LRP12: variants seen among roughly 807,000 people sequenced by gnomAD.
The protein encoded by LRP12 is low-density lipoprotein receptor-related protein 12.
A neutral mutation model predicts 66.0 loss-of-function variants in LRP12; 14 were observed. That is an observed-to-expected ratio of 0.21 (90% CI 0.14 to 0.33). LRP12 has a LOEUF of 0.33. LRP12 is among the 10% of genes least tolerant of loss of function. The pLI is 1.00. For missense variants in LRP12, 889 were observed against 1,053.4 expected (o/e 0.84, Z 2.16); for synonymous variants, 357 against 359.1 (o/e 0.99, Z 0.07).
rs11350393 is a variant in LRP12 at position 104,511,030 on chromosome 8, C to CTTT, written c.137-1959_137-1957dup. On this transcript the variant is annotated intron_variant, in intron 2 of 6. Coordinates refer to ENST00000276654, the MANE Select transcript of LRP12 (RefSeq NM_013437.5). ...TTACAATTGTAATTTGGAAAAATGA[C>CTTT]TTTTTTTTTTTTTTTTTTTTTTTTT... is the stretch of plus-strand genomic sequence containing the variant. 1.9e-3 allele frequency among the ~76,000 whole-genome samples: 103 copies of CTTT among 54,364 alleles called. 8 individuals carry two copies. Among genetic ancestry groups the CTTT allele is most frequent in the African/African-American group, 6.9e-3 (95 of 13,808 alleles). The allele number at this position is 54,364 out of a possible 152,430, so 35.7% of individuals were successfully genotyped here. A position where few individuals can be genotyped will look rare whatever the true frequency, so the allele number is the denominator to read the frequency against.
intron 3 of LRP12, among the ~76,000 whole-genome samples, chr8:104,502,016 ATTC>A (rs1810835246): frequency 6.6e-6 from 1 of 152,162 alleles, no homozygotes; most frequent in Non-Finnish European, 1.5e-5. Flanking sequence ...AGAAAATGAG[ATTC>A]TTCTTTCTTA....
chr8:104,586,191 A>C (rs1158978010), intron 1 of LRP12, among the ~76,000 whole-genome samples: 2 of 152,214 alleles, frequency 1.3e-5, no homozygotes, highest in Non-Finnish European at 2.9e-5. Flanking sequence ...TACAATTTAG[A>C]GTTTCAGGTA....
At chr8:104,557,100 A>G (rs1183876759) in intron 1 of LRP12, among the ~76,000 whole-genome samples, 3 of 152,228 alleles carry the variant, frequency 2.0e-5, no homozygotes, top group Non-Finnish European at 4.4e-5. Flanking sequence ...TCAACATAGA[A>G]GGTACATACA....
intron 1 of LRP12, among the ~76,000 whole-genome samples, chr8:104,571,665 G>A (rs1812082273): frequency 6.6e-6 from 1 of 152,116 alleles, no homozygotes; most frequent in South Asian, 2.1e-4. Flanking sequence ...CTTTATAAAT[G>A]ACCTGGTCTC....
At chr8:104,511,511 T>A (rs1421845966) in intron 2 of LRP12, among the ~76,000 whole-genome samples, 1 of 152,142 alleles carries the variant, frequency 6.6e-6, no homozygotes, top group East Asian at 1.9e-4. Context: ...CCACCATGCA[T>A]GGCAACTTTT....
intron 3 of LRP12, among the ~76,000 whole-genome samples, chr8:104,500,765 T>C (rs1810817336): frequency 6.6e-6 from 1 of 152,150 alleles, no homozygotes; most frequent in South Asian, 2.1e-4. Flanking sequence ...CGTATCTCTC[T>C]TACAAGAACA....
rs1423603967 is a variant in LRP12, at chr8:104,543,981, T to A, written c.80-12018A>T. Among the ~76,000 whole-genome samples the A allele has an allele frequency of 2.0e-5, 3 of 152,214 alleles. No individual in the cohort carries two copies. In the East Asian group the frequency reaches 5.8e-4, roughly 29 times the overall value. ...ATTAGTAAGGAAGGCCTTTATTAATTAAGGAAGGTCTAGCTGAAAGCTAAA... is the reference window on the plus strand; with the variant it reads ...ATTAGTAAGGAAGGCCTTTATTAATAAAGGAAGGTCTAGCTGAAAGCTAAA... On this transcript the variant is annotated intron_variant, in intron 1 of 6. Transcript: ENST00000276654.
intron 3 of LRP12, chr8:104,504,758 G>C (rs1810880757): frequency 6.6e-6 from 1 of 152,110 alleles, no homozygotes; most frequent in South Asian, 2.1e-4. Context: ...GTTGAAATAA[G>C]TATTAAAGGT....
At chr8:104,534,922 TATATGA>T (rs1401680495) in intron 1 of LRP12, among the ~76,000 whole-genome samples, 3 of 151,768 alleles carry the variant, frequency 2.0e-5, no homozygotes, top group African/African-American at 7.2e-5. Flanking sequence ...AAATTTCATA[TATATGA>T]ATATGAACAC....
chr8:104,543,808 G>C (rs1811513636), intron 1 of LRP12, among the ~76,000 whole-genome samples: 2 of 152,118 alleles, frequency 1.3e-5, no homozygotes, highest in African/African-American at 4.8e-5. Flanking sequence ...TGTAATCTCA[G>C]CTACTTGGGA....
At chr8:104,512,403 C>CA (rs1304324771) in intron 2 of LRP12, among the ~76,000 whole-genome samples, 1 of 152,068 alleles carries the variant, frequency 6.6e-6, no homozygotes, top group Non-Finnish European at 1.5e-5. Flanking sequence ...AATAAACAGC[C>CA]AAAAACAATC....
Position 104,490,839 on chromosome 8 carries a change from C to G in LRP12, c.2414G>C (p.Gly805Ala), listed in dbSNP as rs747111953. The change falls in exon 7 of 7, where the codon GGG becomes GCG. Residue 805 changes from glycine (G) to alanine (A), a missense_variant. Gly to Ala is a moderately conservative substitution (Grantham distance 60). Around this residue, in one of 3 missense-constraint regions of LRP12, gnomAD observed 800 missense variants for 964.5 expected, o/e 0.83. Transcript: ENST00000276654. Reference sequence around the variant, plus strand: ...TGTTGCATTATATGGTTGTCTAAGCCCTTGTCCTTGATCTGAGGCAAGATC... The same window carrying G: ...TGTTGCATTATATGGTTGTCTAAGCGCTTGTCCTTGATCTGAGGCAAGATC... Reference protein sequence around the residue: ...LLDLASDQGQGLRQPYNATNP... With the variant: ...LLDLASDQGQALRQPYNATNP... 1.2e-5 allele frequency: 19 copies of G among 1,613,926 alleles called. No homozygotes were observed. The South Asian group carries it at 1.4e-4, about 12-fold the overall frequency.
intron 1 of LRP12, among the ~76,000 whole-genome samples, chr8:104,573,856 A>G (rs1347452326): frequency 1.3e-5 from 2 of 152,032 alleles, no homozygotes; most frequent in African/African-American, 4.8e-5. Flanking sequence ...GGTAGAGGGC[A>G]GAAGAAAGCT....
At chr8:104,514,545 TAAA>T (rs565370904) in intron 2 of LRP12, among the ~76,000 whole-genome samples, 7 of 128,736 alleles carry the variant, frequency 5.4e-5, no homozygotes, top group South Asian at 2.5e-4. Context: ...CGTCTCTACT[TAAA>T]AAAAAAAAAA....
At chr8:104,580,401 GTGC>G (rs1431000588) in intron 1 of LRP12, among the ~76,000 whole-genome samples, 1 of 151,320 alleles carries the variant, frequency 6.6e-6, no homozygotes, top group Non-Finnish European at 1.5e-5. Flanking sequence ...ATGGTGGTGG[GTGC>G]TTGTAGTCCC....
rs11350393 is a variant in LRP12 at position 104,511,030 on chromosome 8, CTTTTTTTTTTT to C, written c.137-1967_137-1957del. On this transcript the variant is annotated intron_variant, in intron 2 of 6. Transcript: ENST00000276654. Reference sequence around the variant, plus strand: ...TTACAATTGTAATTTGGAAAAATGACTTTTTTTTTTTTTTTTTTTTTTTTTTTTGAGATAGA... The same window carrying C: ...TTACAATTGTAATTTGGAAAAATGACTTTTTTTTTTTTTTTTTGAGATAGA... Among the ~76,000 whole-genome samples, 536 of 54,420 alleles carry C rather than the reference CTTTTTTTTTTT, an allele frequency of 9.8e-3. 7 individuals are homozygous for C. Among genetic ancestry groups the C allele is most frequent in the African/African-American group, 0.036 (505 of 13,858 alleles). The allele number at this position is 54,420 out of a possible 152,430, so 35.7% of individuals were successfully genotyped here. A position where few individuals can be genotyped will look rare whatever the true frequency, so the allele number is the denominator to read the frequency against.
At chr8:104,575,699 T>C (rs1299326120) in intron 1 of LRP12, among the ~76,000 whole-genome samples, 1 of 152,048 alleles carries the variant, frequency 6.6e-6, no homozygotes, top group Non-Finnish European at 1.5e-5. Flanking sequence ...CTCTGAAAAC[T>C]CAAAAAGCCA....
intron 2 of LRP12, among the ~76,000 whole-genome samples, chr8:104,526,303 A>T (rs1190521439): frequency 6.6e-6 from 1 of 152,032 alleles, no homozygotes; most frequent in Non-Finnish European, 1.5e-5. Flanking sequence ...GCTACCAATG[A>T]CTTCCTTCAC....
intron 2 of LRP12, among the ~76,000 whole-genome samples, chr8:104,530,272 C>G (rs974776779): frequency 6.6e-6 from 1 of 152,072 alleles, no homozygotes; most frequent in East Asian, 1.9e-4. Flanking sequence ...TGTGTCCCCC[C>G]TCAAGCCCAT....
Sources: allele counts gnomAD v4.1 joint callset (sites outside exome capture counted in the v4.1 genomes callset), GRCh38; gene constraint gnomAD v4.1.1; regional missense constraint gnomAD v4.1.1; transcripts MANE v1.5; gene names NCBI Gene and HGNC (gene_info 2026-07-23, HGNC 2026-07-21).